The following STK10 variants were observed in gnomAD, a reference collection of about 807,000 sequenced individuals.
STK10 encodes serine/threonine kinase 10.
STK10 carries 78 observed loss-of-function variants against 113.8 expected under a neutral mutation model. That is an observed-to-expected ratio of 0.69 (90% confidence interval 0.57 to 0.83). STK10 has a LOEUF of 0.83. STK10 is among the 40% of genes least tolerant of loss of function. The pLI is 0.00. For synonymous variants in STK10, 465 were observed against 494.7 expected (o/e 0.94, Z 0.80); for missense variants, 1,109 against 1,280.1 (o/e 0.87, Z 2.04).
chr5:172,045,517 G>A (rs763255882), intron 18 of STK10: 20 of 445,224 alleles, frequency 4.5e-5, no homozygotes, highest in South Asian at 2.7e-4. Context: ...CAAAATACAC[G>A]TGCCTTTGCC....
At chr5:172,165,048 C>T (rs1485702821) in intron 1 of STK10, among the ~76,000 whole-genome samples, 1 of 152,086 alleles carries the variant, frequency 6.6e-6, no homozygotes, top group Non-Finnish European at 1.5e-5. Flanking sequence ...GTGGGGATAA[C>T]CCTCCCAGCC....
At chr5:172,058,308 T>A (rs537510619) in intron 14 of STK10, among the ~76,000 whole-genome samples, 1 of 152,308 alleles carries the variant, frequency 6.6e-6, no homozygotes, top group Admixed American at 6.5e-5. Flanking sequence ...ACCAACATCA[T>A]GGGATAGGAA....
chr5:172,169,224 C>T (rs1488337947), intron 1 of STK10, among the ~76,000 whole-genome samples: 1 of 152,180 alleles, frequency 6.6e-6, no homozygotes, highest in Non-Finnish European at 1.5e-5. Context: ...CTGCCCTGTC[C>T]CCTGGGCATC....
intron 10 of STK10, among the ~76,000 whole-genome samples, chr5:172,083,907 T>A (rs1768489641): frequency 1.8e-5 from 2 of 113,518 alleles, no homozygotes; most frequent in Non-Finnish European, 3.5e-5. Context: ...AAACTCCGTC[T>A]CAACAACACA....
chr5:172,073,848 C>A (rs1344832565), intron 12 of STK10, among the ~76,000 whole-genome samples: 1 of 149,964 alleles, frequency 6.7e-6, no homozygotes, highest in African/African-American at 2.5e-5. Context: ...ACCTGTAATC[C>A]CAGCTACCTG....
intron 2 of STK10, among the ~76,000 whole-genome samples, chr5:172,151,181 T>G (rs1244274668): frequency 6.6e-6 from 1 of 152,172 alleles, no homozygotes; most frequent in Admixed American, 6.5e-5. Context: ...GCTCAATTAT[T>G]CCTACAGGCA....
chr5:172,057,358 C>A lies in STK10; in HGVS notation c.2328G>T (p.Lys776Asn). Reference protein sequence around the residue: ...YFLQRHELLRKHEKEREQMQR... With the variant: ...YFLQRHELLRNHEKEREQMQR... ...CCACCGGCAGCCTCACCTTCTCATG[C>A]TTGCGCAGCAGCTCGTGCCGCTGGA... Residue 776 changes from lysine to asparagine, a missense_variant, in exon 15 of 19, where the codon AAG becomes AAT. By Grantham distance (94) the Lys-to-Asn change is moderately conservative. This residue lies in a region of STK10 where 885 missense variants were observed against 991.1 expected (regional missense o/e 0.89). Transcript: ENST00000176763. 6.3e-7 allele frequency: 1 copy of A among 1,577,948 alleles called. No individual in the cohort carries two copies. The highest frequency in any genetic ancestry group is 8.6e-7 in the Non-Finnish European group (1 of 1,162,154).
intron 2 of STK10, among the ~76,000 whole-genome samples, chr5:172,140,462 C>T (rs554712884): frequency 2.1e-4 from 32 of 152,204 alleles, no homozygotes; most frequent in Non-Finnish European, 3.4e-4. Flanking sequence ...TTTCGGAGGC[C>T]GAGGCAGGTG....
intron 18 of STK10, among the ~76,000 whole-genome samples, chr5:172,048,121 C>T (rs531279167): frequency 1.3e-5 from 2 of 152,092 alleles, no homozygotes; most frequent in Non-Finnish European, 2.9e-5. Flanking sequence ...ACGGTATCCA[C>T]CTGTTTGGTC....
intron 2 of STK10, among the ~76,000 whole-genome samples, chr5:172,140,484 G>T (rs1406104091): frequency 6.6e-6 from 1 of 152,176 alleles, no homozygotes; most frequent in Non-Finnish European, 1.5e-5. Context: ...ATCACCTGGG[G>T]TCAGGAGTTC....
intron 2 of STK10, among the ~76,000 whole-genome samples, chr5:172,129,894 C>G (rs954750111): frequency 3.3e-5 from 5 of 152,200 alleles, no homozygotes; most frequent in Non-Finnish European, 7.3e-5. Context: ...GGCCTTGACA[C>G]GTGCCTGGCC....
intron 2 of STK10, 145 bp from the exon 3 acceptor site, chr5:172,127,566 A>AT (rs1769651755): frequency 1.3e-6 from 1 of 768,908 alleles, no homozygotes; most frequent in Non-Finnish European, 2.1e-6. Context: ...CTGCCTTGGG[A>AT]GCCCGTCCCC....
At chr5:172,072,433 A>AT (rs1358521949) in intron 12 of STK10, among the ~76,000 whole-genome samples, 1 of 151,944 alleles carries the variant, frequency 6.6e-6, no homozygotes, top group Non-Finnish European at 1.5e-5. Flanking sequence ...CGCCTGGCTA[A>AT]TTTTTTGTAT....
chr5:172,147,148 A>C (rs1770103216), intron 2 of STK10, among the ~76,000 whole-genome samples: 1 of 152,222 alleles, frequency 6.6e-6, no homozygotes, highest in Non-Finnish European at 1.5e-5. Context: ...AAAGATACAG[A>C]TGAAGGGATG....
At chr5:172,121,745 T>TG (rs1769515973) in intron 3 of STK10, among the ~76,000 whole-genome samples, 1 of 152,126 alleles carries the variant, frequency 6.6e-6, no homozygotes, top group Non-Finnish European at 1.5e-5. Context: ...TTTTTGTTTT[T>TG]TGGAGACAGA....
intron 4 of STK10, among the ~76,000 whole-genome samples, chr5:172,117,226 C>T (rs1455358992): frequency 6.6e-6 from 1 of 152,052 alleles, no homozygotes; most frequent in Non-Finnish European, 1.5e-5. Flanking sequence ...TTGCAGTGAG[C>T]CAAGAACGCA....
chr5:172,126,986 C>T (rs1317401170), intron 3 of STK10, among the ~76,000 whole-genome samples: 1 of 151,978 alleles, frequency 6.6e-6, no homozygotes, highest in Non-Finnish European at 1.5e-5. Flanking sequence ...TTCAAGAACC[C>T]AACCCCTCCA....
chr5:172,112,654 C>A (rs3111494), intron 4 of STK10, among the ~76,000 whole-genome samples: 24,004 of 150,626 alleles, frequency 0.16, 2,229 homozygotes, highest in African/African-American at 0.26. Flanking sequence ...CTCCTGACCT[C>A]ATGATCCGCC....
chr5:172,159,177 C>T (rs1309827952), intron 1 of STK10, among the ~76,000 whole-genome samples: 9 of 152,156 alleles, frequency 5.9e-5, no homozygotes, highest in Non-Finnish European at 1.0e-4. Flanking sequence ...AAGGATCCTG[C>T]GAGGACGTTG....
Sources: allele counts gnomAD v4.1 joint callset (sites outside exome capture counted in the v4.1 genomes callset), GRCh38; gene constraint gnomAD v4.1.1; regional missense constraint gnomAD v4.1.1; transcripts MANE v1.5; gene names NCBI Gene and HGNC (gene_info 2026-07-23, HGNC 2026-07-21).